REG1A: variants seen among roughly 807,000 people sequenced by gnomAD.
REG1A encodes the protein lithostathine-1-alpha.
A neutral mutation model predicts 20.7 loss-of-function variants in REG1A; 20 were observed. That is an observed-to-expected ratio of 0.97 (90% CI 0.68 to 1.41). The LOEUF is 1.41. REG1A is among the 40% of genes most tolerant of loss of function. REG1A has a pLI of 0.00. For missense variants in REG1A, 193 were observed against 201.8 expected, an observed-to-expected ratio of 0.96 and a Z score of 0.26; for synonymous variants, 90 against 71.6, an observed-to-expected ratio of 1.26 and a Z score of -1.30.
In REG1A at chr2:79,121,688, A is replaced by T; in HGVS notation, c.183+8A>T. 1 of 1,611,912 alleles carries T rather than the reference A, an allele frequency of 6.2e-7. No individual in the cohort carries two copies. The highest frequency in any genetic ancestry group is 8.5e-7 in the Non-Finnish European group (1 of 1,178,032). ...ACCTGGGTTGATGCAGATGTGAGTG[A>T]GGAGAGCAGTGTGGGAAGGGAGACT... On this transcript the variant is annotated splice_region_variant and intron_variant, in intron 3 of 5. Transcript: ENST00000233735.
intron 3 of REG1A, 90 bp downstream of exon 3, chr2:79,121,770 A>C (rs1672889739): frequency 1.5e-6 from 2 of 1,365,002 alleles, no homozygotes; most frequent in East Asian, 4.6e-5. Flanking sequence ...CAATGAGATG[A>C]GACTGAACCC....
At chr2:79,123,045 C>T (rs1177124044) in intron 5 of REG1A, 93 bp downstream of exon 5, 26 of 1,436,260 alleles carry the variant, frequency 1.8e-5, no homozygotes, top group Middle Eastern at 1.8e-4. Context: ...AGGTGAACTC[C>T]TCATTAAGGA....
chr2:79,120,842 G>T lies in REG1A; in HGVS notation c.-20G>T. On this transcript the variant is annotated 5_prime_UTR_variant, in exon 2 of 6. Coordinates refer to ENST00000233735, the MANE Select transcript of REG1A (RefSeq NM_002909.5). ...GATTGTTGATTTGCCTCTTAAGCAAGAGATTCATTGCAGCTCAGCATGGCT... is the reference window on the plus strand; with the variant it reads ...GATTGTTGATTTGCCTCTTAAGCAATAGATTCATTGCAGCTCAGCATGGCT... 1 of 1,588,470 alleles carries T rather than the reference G, an allele frequency of 6.3e-7. No homozygotes were observed. The highest frequency in any genetic ancestry group is 8.6e-7 in the Non-Finnish European group (1 of 1,162,538).
chr2:79,122,209 C>T lies in REG1A; in HGVS notation c.321+84C>T, dbSNP rs886411302. On this transcript the variant is annotated intron_variant, in intron 4 of 5. Coordinates refer to ENST00000233735, the MANE Select transcript of REG1A (RefSeq NM_002909.5). The stretch of plus-strand genomic sequence containing the variant: ...CAAGTTCTGGTCTCTTAAGTACCAG[C>T]TTTTATCGCTTTCCAGAAATCAGGC... The T allele has an allele frequency of 7.8e-6, 11 of 1,411,500 alleles. No homozygotes were observed. In the South Asian group the frequency reaches 1.3e-4, roughly 17 times the overall value. 87.4% of individuals were successfully genotyped at this position (1,411,500 alleles called of 1,614,324 possible). A position where few individuals can be genotyped will look rare whatever the true frequency, so the allele number is the denominator to read the frequency against.
rs558236613 is a variant in REG1A at position 79,122,011 on chromosome 2, G to A, written c.207G>A (p.Ser69=). ...AGCTCTATTGCCAGAACATGAATTCGGGCAACCTGGTGTCTGTGCTCACCC... is the reference window on the plus strand; with the variant it reads ...AGCTCTATTGCCAGAACATGAATTCAGGCAACCTGGTGTCTGTGCTCACCC... ...DADLYCQNMN[S]GNLVSVLTQA... is the part of the protein sequence containing the mutation. Residue 69 remains serine (S), a synonymous_variant, in exon 4 of 6, where the codon TCG becomes TCA. Transcript: ENST00000233735. The A allele has an allele frequency of 3.4e-5, 55 of 1,613,636 alleles. No individual in the cohort carries two copies. The highest frequency in any genetic ancestry group is 4.3e-5 in the Non-Finnish European group (51 of 1,179,936).
At position 79,122,794 on chromosome 2, in the gene REG1A, G is replaced by A. The variant is rs141619806; in HGVS notation, c.322-47G>A. 96 of 1,294,408 alleles carry A rather than the reference G, an allele frequency of 7.4e-5. No homozygotes were observed. In the African/African-American group the frequency reaches 1.3e-3, roughly 17 times the overall value. The allele number at this position is 1,294,408 out of a possible 1,614,324, so 80.2% of individuals were successfully genotyped here. A position where few individuals can be genotyped will look rare whatever the true frequency, so the allele number is the denominator to read the frequency against. On this transcript the variant is annotated intron_variant, in intron 4 of 5. Transcript: ENST00000233735. Reference sequence around the variant, plus strand: ...GTGCACACAGGCCCAGTGATTCCATGTATTTTTGAGTGACCACTGCCTCTG... The same window carrying A: ...GTGCACACAGGCCCAGTGATTCCATATATTTTTGAGTGACCACTGCCTCTG...
chr2:79,121,487 C>G, intron 2 of REG1A, 75 bp from the exon 3 acceptor site: 2 of 1,180,584 alleles, frequency 1.7e-6, no homozygotes, highest in Non-Finnish European at 2.5e-6. Context: ...ATAAAGGAAC[C>G]TCAGAAGCTC....
Position 79,122,111 on chromosome 2 carries a change from C to T in REG1A, c.307C>T (p.His103Tyr), listed in dbSNP as rs760651470. 4 of 1,613,794 alleles carry T rather than the reference C, an allele frequency of 2.5e-6. No individual in the cohort carries two copies. The East Asian group carries it at 6.7e-5, about 27-fold the overall frequency. Residue 103 changes from histidine (H) to tyrosine (Y), a missense_variant, in exon 4 of 6, where the codon CAT (histidine) becomes TAT (tyrosine). By Grantham distance (83) the His-to-Tyr change is moderately conservative. Transcript: ENST00000233735. ...TDDFNVWIGLHDPKKNRRWHW... is the reference protein window; with the variant it reads ...TDDFNVWIGLYDPKKNRRWHW... ...TGACTTCAATGTCTGGATTGGCCTC[C>T]ATGACCCCAAAAAGGTAGGCTGCAG...
intron 2 of REG1A, 134 bp from the exon 3 acceptor site, chr2:79,121,428 G>T: frequency 1.4e-6 from 1 of 730,482 alleles, no homozygotes; most frequent in Non-Finnish European, 2.4e-6. Context: ...TAGGATGCAG[G>T]AGCAATAGTG....
In REG1A at chr2:79,122,640, C is replaced by T. The variant is rs79265696; in HGVS notation, c.322-201C>T. 7.6e-3 allele frequency among the ~76,000 whole-genome samples: 1,151 copies of T among 152,198 alleles called. 31 individuals carry two copies. The highest frequency in any genetic ancestry group is 0.056 in the Admixed American group (859 of 15,302). On this transcript the variant is annotated intron_variant, in intron 4 of 5. Transcript: ENST00000233735. ...TTGGGTCTCTGTCAAATTCATAACACTTATTTCTTGGTGGAATACAGTTAA... is the reference window on the plus strand; with the variant it reads ...TTGGGTCTCTGTCAAATTCATAACATTTATTTCTTGGTGGAATACAGTTAA...
At chr2:79,121,171 C>A (rs530250624) in intron 2 of REG1A, among the ~76,000 whole-genome samples, 62 of 152,264 alleles carry the variant, frequency 4.1e-4, no homozygotes, top group African/African-American at 1.4e-3. Flanking sequence ...ATGAGTTTAT[C>A]TGATTAAATT....
intron 2 of REG1A, 145 bp downstream of exon 2, chr2:79,121,070 G>T (rs2070707): frequency 0.15 from 93,392 of 621,096 alleles, 8,512 homozygotes; most frequent in African/African-American, 0.3. Context: ...CTTTATTGCT[G>T]ATCTCTTCAC....
rs140370608 is a variant in REG1A, at chr2:79,123,069, T to G, written c.434-79T>G. 7,866 of 1,453,992 alleles carry G rather than the reference T, an allele frequency of 5.4e-3. 28 individuals are homozygous for G. Among genetic ancestry groups the G allele is most frequent in the Non-Finnish European group, 6.5e-3 (6,768 of 1,042,574 alleles). The allele number at this position is 1,453,992 out of a possible 1,614,324, so 90.1% of individuals were successfully genotyped here. A position where few individuals can be genotyped will look rare whatever the true frequency, so the allele number is the denominator to read the frequency against. On this transcript the variant is annotated intron_variant, in intron 5 of 5. Coordinates refer to ENST00000233735, the MANE Select transcript of REG1A (RefSeq NM_002909.5). Reference sequence around the variant, plus strand: ...CCTCATTAAGGAAATGGATGTTTGGTTTTTGTCCTGAGTCCTAAAGCCAGG... The same window carrying G: ...CCTCATTAAGGAAATGGATGTTTGGGTTTTGTCCTGAGTCCTAAAGCCAGG...
intron 3 of REG1A, 85 bp downstream of exon 3, chr2:79,121,765 A>T: frequency 7.2e-7 from 1 of 1,387,786 alleles, no homozygotes; most frequent in Non-Finnish European, 1.0e-6. Context: ...GGCTGCAATG[A>T]GATGAGACTG....
At chr2:79,122,780 C>G (rs1672906211) in intron 4 of REG1A, 61 bp from the exon 5 acceptor site, 1 of 1,094,394 alleles carries the variant, frequency 9.1e-7, no homozygotes, top group East Asian at 2.4e-5. Flanking sequence ...TGCACACAGG[C>G]CCAGTGATTC....
At chr2:79,122,722 A>T (rs574104153) in intron 4 of REG1A, 119 bp from the exon 5 acceptor site, 7 of 734,102 alleles carry the variant, frequency 9.5e-6, no homozygotes, top group Non-Finnish European at 1.7e-5. Flanking sequence ...AGGAAACAAT[A>T]TTTAGCAAGG....
chr2:79,121,000 C>CT, intron 2 of REG1A, 75 bp downstream of exon 2: 2 of 965,102 alleles, frequency 2.1e-6, no homozygotes, highest in Non-Finnish European at 2.9e-6. Context: ...TACGGGTCTA[C>CT]TTGAAAAAAA....
At chr2:79,122,728 C>T in intron 4 of REG1A, 113 bp from the exon 5 acceptor site, 1 of 743,438 alleles carries the variant, frequency 1.3e-6, no homozygotes, top group Non-Finnish European at 2.4e-6. Context: ...CAATATTTAG[C>T]AAGGTTTATT....
At chr2:79,122,189 T>C in intron 4 of REG1A, 64 bp downstream of exon 4, 3 of 1,556,506 alleles carry the variant, frequency 1.9e-6, no homozygotes, top group Non-Finnish European at 2.6e-6. Context: ...AGGTTCAAGT[T>C]CTGGTCTCTT....
Sources: gnomAD v4.1 joint callset for allele counts (sites outside exome capture counted in the v4.1 genomes callset) on GRCh38, gnomAD v4.1.1 for gene constraint, MANE v1.5 for transcripts, NCBI Gene and HGNC (gene_info 2026-07-23, HGNC 2026-07-21) for gene names.